Variants in GDPD5 observed in about 807,000 individuals in gnomAD.
The protein encoded by GDPD5 is glycerophosphodiester phosphodiesterase 2.
Under a neutral mutation model 75.1 loss-of-function variants are expected in GDPD5, and 48 were observed. The observed-to-expected ratio is 0.64, with a 90% CI of 0.51 to 0.81. The LOEUF (loss-of-function observed/expected upper bound fraction) is 0.81, where lower values mean the gene tolerates loss of function less well. GDPD5 is among the 40% of genes least tolerant of loss of function. The pLI is 0.00. For missense variants in GDPD5, 706 were observed against 822.6 expected, an observed-to-expected ratio of 0.86 and a Z score of 1.73; for synonymous variants, 336 against 339.0, an observed-to-expected ratio of 0.99 and a Z score of 0.10.
At chr11:75,520,512 A>C (rs1950734823) in intron 1 of GDPD5, among the ~76,000 whole-genome samples, 1 of 152,076 alleles carries the variant, frequency 6.6e-6, no homozygotes, top group Non-Finnish European at 1.5e-5. Context: ...CATAGAATCT[A>C]GTTTTGACAA....
intron 2 of GDPD5, among the ~76,000 whole-genome samples, chr11:75,486,131 C>T (rs1202798504): frequency 2.6e-5 from 4 of 152,162 alleles, no homozygotes; most frequent in Non-Finnish European, 5.9e-5. Flanking sequence ...TTCCAGCACT[C>T]AACTTCTAAA....
chr11:75,461,006 C>G (rs760190452), intron 4 of GDPD5, among the ~76,000 whole-genome samples: 3 of 152,038 alleles, frequency 2.0e-5, no homozygotes, highest in Non-Finnish European at 4.4e-5. Flanking sequence ...AAGTCCCGGT[C>G]CCAGATCTGT....
intron 1 of GDPD5, among the ~76,000 whole-genome samples, chr11:75,511,095 C>T (rs2135484620): frequency 6.6e-6 from 1 of 152,354 alleles, no homozygotes; most frequent in East Asian, 1.9e-4. Flanking sequence ...CTGTTCCTGG[C>T]ACACAGTAGA....
chr11:75,462,640 A>G, intron 4 of GDPD5, 146 bp downstream of exon 4: 1 of 638,406 alleles, frequency 1.6e-6, no homozygotes, highest in Non-Finnish European at 2.8e-6. Context: ...CCCAGGGAGT[A>G]GGCCCTGCCC....
chr11:75,477,935 C>G (rs1228080609), intron 2 of GDPD5, 140 bp from the exon 3 acceptor site: 2 of 413,844 alleles, frequency 4.8e-6, no homozygotes, highest in Non-Finnish European at 4.3e-6. Context: ...CTTGGAGTCA[C>G]AGGCCCACCC....
intron 3 of GDPD5, among the ~76,000 whole-genome samples, chr11:75,469,806 G>A (rs996461865): frequency 2.6e-5 from 4 of 152,204 alleles, no homozygotes; most frequent in African/African-American, 7.2e-5. Context: ...TTATGGTGTT[G>A]GGACATCTGG....
chr11:75,493,795 C>T (rs1032744322), intron 1 of GDPD5, among the ~76,000 whole-genome samples: 42 of 152,160 alleles, frequency 2.8e-4, no homozygotes, highest in African/African-American at 9.4e-4. Flanking sequence ...ATCTCTATTC[C>T]GGTCTTGCTG....
At chr11:75,481,417 C>T (rs1949916284) in intron 2 of GDPD5, among the ~76,000 whole-genome samples, 1 of 152,192 alleles carries the variant, frequency 6.6e-6, no homozygotes, top group African/African-American at 2.4e-5. Flanking sequence ...CCAGAGTCTC[C>T]TGAGTGCTGG....
chr11:75,443,364 A>G, intron 10 of GDPD5, 78 bp from the exon 11 acceptor site: 1 of 1,482,152 alleles, frequency 6.7e-7, no homozygotes, highest in East Asian at 2.4e-5. Context: ...CACCCCACAC[A>G]GTCCTCCCCA....
At chr11:75,511,185 C>A (rs1950511621) in intron 1 of GDPD5, among the ~76,000 whole-genome samples, 1 of 152,212 alleles carries the variant, frequency 6.6e-6, no homozygotes, top group Admixed American at 6.5e-5. Context: ...TGAAGTTCCA[C>A]CATTATCACT....
At chr11:75,435,912 T>C (rs1948613250) in intron 16 of GDPD5, among the ~76,000 whole-genome samples, 1 of 152,210 alleles carries the variant, frequency 6.6e-6, no homozygotes, top group African/African-American at 2.4e-5. Context: ...TTGGCACCCA[T>C]GTGTCCACTC....
intron 1 of GDPD5, among the ~76,000 whole-genome samples, chr11:75,501,984 A>ACAC (rs1484548661): frequency 6.6e-6 from 1 of 152,116 alleles, no homozygotes; most frequent in Non-Finnish European, 1.5e-5. Context: ...ACCTCTCCCT[A>ACAC]CACCCCCAAG....
intron 3 of GDPD5, among the ~76,000 whole-genome samples, chr11:75,467,460 G>A (rs1949541747): frequency 6.6e-6 from 1 of 152,196 alleles, no homozygotes; most frequent in African/African-American, 2.4e-5. Context: ...AAGGAGGTAT[G>A]GATGTGAGAC....
intron 1 of GDPD5, among the ~76,000 whole-genome samples, chr11:75,501,572 T>C (rs1163043941): frequency 6.6e-6 from 1 of 152,162 alleles, no homozygotes; most frequent in Non-Finnish European, 1.5e-5. Context: ...GGGCCAGGGC[T>C]CCAGGCTGGT....
chr11:75,507,508 A>G (rs1475440577), intron 1 of GDPD5, among the ~76,000 whole-genome samples: 3 of 152,264 alleles, frequency 2.0e-5, no homozygotes, highest in Non-Finnish European at 4.4e-5. Context: ...GCTGCCTCCA[A>G]GCCCCACTGG....
intron 14 of GDPD5, 139 bp downstream of exon 14, chr11:75,441,024 C>T: frequency 5.0e-6 from 4 of 807,194 alleles, no homozygotes; most frequent in Non-Finnish European, 8.0e-6. Flanking sequence ...TGCCTCAAGC[C>T]TGCACGCCCA....
At chr11:75,463,081 A>G (rs2135298888) in intron 3 of GDPD5, among the ~76,000 whole-genome samples, 192 bp from the exon 4 acceptor site, 1 of 152,320 alleles carries the variant, frequency 6.6e-6, no homozygotes. Flanking sequence ...CCAAGCCCAA[A>G]GTCACAGAAA....
At chr11:75,439,789 AG>A in intron 15 of GDPD5, 89 bp downstream of exon 15, 1 of 1,061,746 alleles carries the variant, frequency 9.4e-7, no homozygotes, top group Non-Finnish European at 1.5e-6. Context: ...GCTGAGGCCC[AG>A]GGCTCAGGAG....
At chr11:75,443,345 A>G in intron 10 of GDPD5, 59 bp from the exon 11 acceptor site, 1 of 1,538,134 alleles carries the variant, frequency 6.5e-7, no homozygotes, top group Non-Finnish European at 8.8e-7. Context: ...CCTGCCCACC[A>G]ATGATCGTCA....
Sources: gnomAD v4.1 joint callset for allele counts (sites outside exome capture counted in the v4.1 genomes callset) on GRCh38, gnomAD v4.1.1 for gene constraint, MANE v1.5 for transcripts, NCBI Gene and HGNC (gene_info 2026-07-23, HGNC 2026-07-21) for gene names.